The following CARMIL1 variants were observed in gnomAD, a reference collection of about 807,000 sequenced individuals.
The protein encoded by CARMIL1 is F-actin-uncapping protein LRRC16A.
CARMIL1 carries 90 observed loss-of-function variants against 177.1 expected under a neutral mutation model. The observed-to-expected ratio is 0.51, with a 90% confidence interval of 0.43 to 0.61. The LOEUF (loss-of-function observed/expected upper bound fraction) is 0.61, where lower values mean the gene tolerates loss of function less well. Ranked by LOEUF, CARMIL1 falls within the 20% of genes least tolerant of loss-of-function variation. CARMIL1 has a pLI of 0.00. For missense variants in CARMIL1, 1,380 were observed against 1,667.0 expected (o/e 0.83, Z 3.00); for synonymous variants, 577 against 606.2 (o/e 0.95, Z 0.71).
rs1197349245 is a variant in CARMIL1 at position 25,354,694 on chromosome 6, A to G, written c.139-65420A>G. ...TTTGAGTTTTCTTTTACTTGTAACC[A>G]AACACATTCCTGAGCTAATAGACCA... On this transcript the variant is annotated intron_variant, in intron 2 of 36. Coordinates refer to ENST00000329474, the MANE Select transcript of CARMIL1 (RefSeq NM_017640.6). 2.6e-5 allele frequency among the ~76,000 whole-genome samples: 4 copies of G among 152,226 alleles called. No individual in the cohort carries two copies. The East Asian group carries it at 7.7e-4, about 29-fold the overall frequency.
chr6:25,281,136 G>GCGCGCGCACACACACACACACA (rs10642536), intron 1 of CARMIL1, among the ~76,000 whole-genome samples: 9 of 132,102 alleles, frequency 6.8e-5, no homozygotes, highest in East Asian at 2.4e-4. Flanking sequence ...GTGCGCGCGC[G>GCGCGCGCACACACACACACACA]CACACACACA....
chr6:25,609,926 C>T, intron 35 of CARMIL1, 124 bp from the exon 36 acceptor site: 1 of 1,165,418 alleles, frequency 8.6e-7, no homozygotes, highest in Non-Finnish European at 1.2e-6. Context: ...AATTTTTGGC[C>T]AGAAAAATTC....
At chr6:25,436,370 A>G (rs1441676798) in intron 5 of CARMIL1, among the ~76,000 whole-genome samples, 1 of 152,228 alleles carries the variant, frequency 6.6e-6, no homozygotes, top group African/African-American at 2.4e-5. Flanking sequence ...CCCAGCAGGC[A>G]GAAGTGTATA....
At chr6:25,618,520 CT>C (rs998972459) in intron 36 of CARMIL1, among the ~76,000 whole-genome samples, 1 of 152,168 alleles carries the variant, frequency 6.6e-6, no homozygotes, top group Non-Finnish European at 1.5e-5. Flanking sequence ...GCATCCGAAC[CT>C]TTTCCCAAGG....
rs779950098 is a variant in CARMIL1 at position 25,606,185 on chromosome 6, G to A, written c.3759G>A (p.Thr1253=). 14 of 1,613,798 alleles carry A rather than the reference G, an allele frequency of 8.7e-6. No individual in the cohort carries two copies. Among genetic ancestry groups the A allele is most frequent in the African/African-American group, 4.0e-5 (3 of 74,908 alleles). Residue 1253 remains threonine, a synonymous_variant, in exon 35 of 37, where the codon ACG becomes ACA. Coordinates refer to ENST00000329474, the MANE Select transcript of CARMIL1 (RefSeq NM_017640.6). The part of the protein sequence containing the change: ...SRSRSSSSTP[T]SPKPLLQSPK... ...CTCGGAGCTCATCCAGCACACCTAC[G>A]AGCCCGAAGCCCCTCCTGCAGTCCC... is the stretch of plus-strand genomic sequence containing the variant.
chr6:25,320,871 G>A (rs2690114), intron 2 of CARMIL1, among the ~76,000 whole-genome samples: 109,616 of 152,190 alleles, frequency 0.72, 40,332 homozygotes, highest in African/African-American at 0.88. Flanking sequence ...CGTAAAATAC[G>A]CTAACACTAA....
chr6:25,300,125 G>A (rs1198844459), intron 2 of CARMIL1, among the ~76,000 whole-genome samples: 1 of 152,026 alleles, frequency 6.6e-6, no homozygotes, highest in African/African-American at 2.4e-5. Flanking sequence ...AGCTTCTAGA[G>A]TTATGTCTAA....
intron 2 of CARMIL1, among the ~76,000 whole-genome samples, chr6:25,315,632 C>G (rs931012396): frequency 3.3e-5 from 5 of 152,230 alleles, no homozygotes; most frequent in Non-Finnish European, 7.3e-5. Context: ...CAGGTAATCT[C>G]TTATTCTTTC....
chr6:25,505,900 C>T (rs933192795), intron 17 of CARMIL1, among the ~76,000 whole-genome samples: 2 of 152,086 alleles, frequency 1.3e-5, no homozygotes, highest in African/African-American at 4.8e-5. Flanking sequence ...ATGCAAAGGG[C>T]AATTAATTAT....
intron 27 of CARMIL1, among the ~76,000 whole-genome samples, chr6:25,552,847 T>C (rs1368715573): frequency 1.3e-5 from 2 of 152,148 alleles, no homozygotes; most frequent in Non-Finnish European, 2.9e-5. Context: ...AGGAAGTACT[T>C]AAAATTAGAT....
chr6:25,360,414 T>C (rs1789072443), intron 2 of CARMIL1, among the ~76,000 whole-genome samples: 2 of 152,234 alleles, frequency 1.3e-5, no homozygotes, highest in East Asian at 1.9e-4. Flanking sequence ...TAGACAGTTA[T>C]TCAGCAGGCA....
At chr6:25,379,880 T>G (rs1791359057) in intron 2 of CARMIL1, among the ~76,000 whole-genome samples, 1 of 152,222 alleles carries the variant, frequency 6.6e-6, no homozygotes, top group African/African-American at 2.4e-5. Context: ...ATATGTGAAG[T>G]GATCAAGATG....
chr6:25,502,594 A>G (rs1804503931), intron 17 of CARMIL1, among the ~76,000 whole-genome samples: 1 of 151,538 alleles, frequency 6.6e-6, no homozygotes, highest in Non-Finnish European at 1.5e-5. Flanking sequence ...TTACTGCTCT[A>G]TCAGATCAAA....
intron 16 of CARMIL1, among the ~76,000 whole-genome samples, chr6:25,499,011 G>C (rs541853227): frequency 9.2e-5 from 14 of 152,304 alleles, no homozygotes; most frequent in African/African-American, 2.4e-4. Context: ...CAGGGAGTGG[G>C]AGGAGGGGGG....
chr6:25,476,143 C>T (rs985028173), intron 11 of CARMIL1, among the ~76,000 whole-genome samples: 4 of 152,122 alleles, frequency 2.6e-5, no homozygotes, highest in Admixed American at 6.5e-5. Context: ...TTGAAAATTA[C>T]GGTGAAGTTT....
At chr6:25,348,017 G>C (rs1053340657) in intron 2 of CARMIL1, among the ~76,000 whole-genome samples, 1 of 152,188 alleles carries the variant, frequency 6.6e-6, no homozygotes, top group African/African-American at 2.4e-5. Flanking sequence ...GTGACTTTAA[G>C]TGAAACATCA....
chr6:25,434,552 T>G (rs1228732741), intron 4 of CARMIL1, among the ~76,000 whole-genome samples: 1 of 140,314 alleles, frequency 7.1e-6, no homozygotes, highest in Non-Finnish European at 1.5e-5. Flanking sequence ...TTAGACGGAG[T>G]CTTGCTCTGT....
chr6:25,393,188 A>C (rs1188902353), intron 2 of CARMIL1, among the ~76,000 whole-genome samples: 1 of 152,182 alleles, frequency 6.6e-6, no homozygotes, highest in Non-Finnish European at 1.5e-5. Context: ...CTGAAATAGC[A>C]ATGATACTTG....
At chr6:25,415,279 C>T (rs1795258834) in intron 2 of CARMIL1, among the ~76,000 whole-genome samples, 1 of 152,162 alleles carries the variant, frequency 6.6e-6, no homozygotes, top group South Asian at 2.1e-4. Flanking sequence ...CCTCCCACCT[C>T]AGCCTCCTGA....
Sources: gnomAD v4.1 joint callset for allele counts (sites outside exome capture counted in the v4.1 genomes callset) on GRCh38, gnomAD v4.1.1 for gene constraint, MANE v1.5 for transcripts, NCBI Gene and HGNC (gene_info 2026-07-23, HGNC 2026-07-21) for gene names.